Variants in SOS1 observed in about 807,000 individuals in gnomAD.
SOS1 encodes SOS Ras/Rac guanine nucleotide exchange factor 1.
A neutral mutation model predicts 157.6 loss-of-function variants in SOS1; 25 were observed. The ratio of observed to expected loss-of-function variants is 0.16; its 90% CI spans 0.12 to 0.22. The LOEUF (loss-of-function observed/expected upper bound fraction) is 0.22. SOS1 is among the 10% of genes least tolerant of loss of function. The pLI is 1.00. For synonymous variants in SOS1, 528 were observed against 534.0 expected (o/e 0.99, Z 0.16); for missense variants, 1,237 against 1,599.1 (o/e 0.77, Z 3.86).
rs1413953289 is a variant in SOS1 at position 38,984,954 on chromosome 2, C to A, written c.*870G>T. The A allele has an allele frequency of 1.3e-5, 2 of 152,118 alleles. No homozygotes were observed. The highest frequency in any genetic ancestry group is 2.9e-5 in the Non-Finnish European group (2 of 68,026). 9.4% of individuals were successfully genotyped at this position (152,118 alleles called of 1,614,324 possible). A position where few individuals can be genotyped will look rare whatever the true frequency, so the allele number is the denominator to read the frequency against. The stretch of plus-strand genomic sequence containing the variant: ...GTATGGTTAGAGGGATAGCTACGAG[C>A]CATGACATGGACTACCAGTAAACTT... On this transcript the variant is annotated 3_prime_UTR_variant, in exon 23 of 23. Coordinates refer to ENST00000402219, the MANE Select transcript of SOS1 (RefSeq NM_005633.4).
intron 6 of SOS1, among the ~76,000 whole-genome samples, chr2:39,045,835 T>C (rs189325086): frequency 5.9e-5 from 9 of 152,236 alleles, no homozygotes; most frequent in Admixed American, 2.0e-4. Flanking sequence ...TAGACTCCTG[T>C]GTATCTGGGA....
At chr2:38,987,822 A>G (rs1201637032) in intron 21 of SOS1, 1 of 472,506 alleles carries the variant, frequency 2.1e-6, no homozygotes, top group East Asian at 4.0e-5. Context: ...GTATTCTGTT[A>G]TTTTGCCTGA....
chr2:39,085,088 G>A (rs921557214), intron 1 of SOS1, among the ~76,000 whole-genome samples: 2 of 152,024 alleles, frequency 1.3e-5, no homozygotes, highest in African/African-American at 4.8e-5. Flanking sequence ...ACTCTGTCAT[G>A]AGGTTGGACT....
intron 1 of SOS1, among the ~76,000 whole-genome samples, chr2:39,102,672 T>C (rs1376952302): frequency 6.6e-6 from 1 of 151,612 alleles, no homozygotes; most frequent in Non-Finnish European, 1.5e-5. Context: ...CGGCCGGGCA[T>C]GGTAGCTCAC....
At chr2:39,062,530 C>T (rs1312019833) in intron 2 of SOS1, among the ~76,000 whole-genome samples, 7 of 138,100 alleles carry the variant, frequency 5.1e-5, no homozygotes, top group Admixed American at 2.1e-4. Flanking sequence ...GAACGGAAAA[C>T]GAAAGCAGAC....
intron 10 of SOS1, among the ~76,000 whole-genome samples, chr2:39,018,166 A>C (rs189951040): frequency 1.3e-5 from 2 of 152,070 alleles, no homozygotes; most frequent in Admixed American, 6.6e-5. Context: ...GCAAAAACAT[A>C]TAATCCTAGA....
chr2:39,122,107 A>G (rs929776202), upstream of SOS1, among the ~76,000 whole-genome samples: 1 of 152,152 alleles, frequency 6.6e-6, no homozygotes, highest in Non-Finnish European at 1.5e-5. Context: ...AAAATCTGGA[A>G]AAACAACTCT....
At position 39,094,829 on chromosome 2, in the gene SOS1, C is replaced by G. The variant is rs529052900; in HGVS notation, c.87+25507G>C. Among the ~76,000 whole-genome samples, 9 of 152,254 alleles carry G rather than the reference C, an allele frequency of 5.9e-5. No homozygotes were observed. The South Asian group carries it at 1.7e-3, about 28-fold the overall frequency. ...CTATGAAAAATCTATTTACAAATAA[C>G]TTAGCCACATACAGCCTCTTTATAA... On this transcript the variant is annotated intron_variant, in intron 1 of 22. Coordinates refer to ENST00000402219, the MANE Select transcript of SOS1 (RefSeq NM_005633.4).
At chr2:39,067,786 G>A (rs746030998) in intron 1 of SOS1, 33 bp from the exon 2 acceptor site, 2 of 1,600,412 alleles carry the variant, frequency 1.2e-6, no homozygotes, top group African/African-American at 1.3e-5. Flanking sequence ...TTAAAATGTG[G>A]GTTCCATATC....
At chr2:39,102,771 C>G (rs1673020268) in intron 1 of SOS1, among the ~76,000 whole-genome samples, 1 of 151,826 alleles carries the variant, frequency 6.6e-6, no homozygotes, top group African/African-American at 2.4e-5. Context: ...AAGGCAAAAC[C>G]CTGTCTTACC....
chr2:38,985,717 A>G lies in SOS1; in HGVS notation c.*107T>C. Reference sequence around the variant, plus strand: ...TACTGCATCTTGAAGAAGAGTCGTTAGTGTTTGGAGTTCTCATTTTAACTC... The same window carrying G: ...TACTGCATCTTGAAGAAGAGTCGTTGGTGTTTGGAGTTCTCATTTTAACTC... On this transcript the variant is annotated 3_prime_UTR_variant, in exon 23 of 23. Coordinates refer to ENST00000402219, the MANE Select transcript of SOS1 (RefSeq NM_005633.4). 5 of 1,045,248 alleles carry G rather than the reference A, an allele frequency of 4.8e-6. No individual in the cohort carries two copies. The highest frequency in any genetic ancestry group is 1.3e-5 in the South Asian group (1 of 79,700). The allele number at this position is 1,045,248 out of a possible 1,614,324, so 64.7% of individuals were successfully genotyped here. A position where few individuals can be genotyped will look rare whatever the true frequency, so the allele number is the denominator to read the frequency against.
In SOS1 at chr2:39,120,970, TGCCGCCGCGGCCGCCGCCGCCACC is replaced by T. The variant is rs1337660223; in HGVS notation, c.-572_-549del. ...GTTGGGGAATCTGGCTGCCCTGAGG[TGCCGCCGCGGCCGCCGCCGCCACC>T]GCCGCCGCCGGTGTAGCGCTGGAGC... On this transcript the variant is annotated 5_prime_UTR_variant, in exon 1 of 23. Transcript: ENST00000402219. The T allele has an allele frequency of 1.1e-5, 2 of 174,220 alleles. No homozygotes were observed. Among genetic ancestry groups the T allele is most frequent in the African/African-American group, 4.9e-5 (2 of 41,218 alleles). 10.8% of individuals were successfully genotyped at this position (174,220 alleles called of 1,614,324 possible).
intron 10 of SOS1, among the ~76,000 whole-genome samples, chr2:39,018,309 T>C (rs983006215): frequency 1.3e-5 from 2 of 151,894 alleles, no homozygotes; most frequent in Non-Finnish European, 2.9e-5. Flanking sequence ...CAAAACTTTT[T>C]CTACAGTTTT....
At chr2:39,098,779 C>T (rs772017156) in intron 1 of SOS1, among the ~76,000 whole-genome samples, 1 of 152,260 alleles carries the variant, frequency 6.6e-6, no homozygotes, top group Non-Finnish European at 1.5e-5. Flanking sequence ...GTCCCAGCTA[C>T]TCAGGAGGCT....
At chr2:38,996,767 T>G (rs538331837) in intron 19 of SOS1, among the ~76,000 whole-genome samples, 155 bp downstream of exon 19, 2 of 152,332 alleles carry the variant, frequency 1.3e-5, no homozygotes, top group South Asian at 2.1e-4. Flanking sequence ...TTCATTTATT[T>G]GGAAGGAAGT....
rs540486644 is a variant in SOS1, at chr2:39,026,543, G to C, written c.1075-2406C>G. The stretch of plus-strand genomic sequence containing the variant: ...CTAGATTAAAGAAAGCCAATGGCCA[G>C]GGTTCATAAAGAAAGATACTAGGTT... On this transcript the variant is annotated intron_variant, in intron 8 of 22. Coordinates refer to ENST00000402219, the MANE Select transcript of SOS1 (RefSeq NM_005633.4). Among the ~76,000 whole-genome samples the C allele has an allele frequency of 2.0e-5, 3 of 152,246 alleles. No individual in the cohort carries two copies. In the East Asian group the frequency reaches 5.8e-4, roughly 29 times the overall value.
chr2:39,069,720 G>T (rs1015900998), intron 1 of SOS1, among the ~76,000 whole-genome samples: 1 of 151,974 alleles, frequency 6.6e-6, no homozygotes, highest in Non-Finnish European at 1.5e-5. Context: ...GCCAATTTCT[G>T]TATTTTTAGT....
chr2:39,003,815 C>T (rs1362636890), intron 17 of SOS1, among the ~76,000 whole-genome samples: 1 of 152,112 alleles, frequency 6.6e-6, no homozygotes, highest in East Asian at 1.9e-4. Context: ...TCTGTGAAAA[C>T]ACTATATAAA....
At chr2:38,995,446 T>C in intron 19 of SOS1, 59 bp from the exon 20 acceptor site, 1 of 1,363,738 alleles carries the variant, frequency 7.3e-7, no homozygotes, top group African/African-American at 1.4e-5. Flanking sequence ...AGGAAAGTTT[T>C]TCTATATGTG....
Sources: gnomAD v4.1 joint callset for allele counts (sites outside exome capture counted in the v4.1 genomes callset) on GRCh38, gnomAD v4.1.1 for gene constraint, MANE v1.5 for transcripts, NCBI Gene and HGNC (gene_info 2026-07-23, HGNC 2026-07-21) for gene names.